The following FANK1 variants were observed in gnomAD, a reference collection of about 807,000 sequenced individuals.
The protein encoded by FANK1 is fibronectin type III and ankyrin repeat domains 1, also known as fibronectin type 3 and ankyrin repeat domains protein 1.
FANK1 carries 44 observed loss-of-function variants against 45.3 expected under a neutral mutation model. That is an observed-to-expected ratio of 0.97 (90% CI 0.76 to 1.25). The LOEUF is 1.25. Ranked by LOEUF, FANK1 falls within the 50% of genes most tolerant of loss-of-function variation. The pLI is 0.00. For synonymous variants in FANK1, 149 were observed against 152.5 expected, an observed-to-expected ratio of 0.98 and a Z score of 0.17; for missense variants, 391 against 424.4, an observed-to-expected ratio of 0.92 and a Z score of 0.69.
intron 6 of FANK1, chr10:126,004,654 T>A: frequency 2.1e-6 from 1 of 471,806 alleles, no homozygotes; most frequent in Non-Finnish European, 3.9e-6. Flanking sequence ...TTCAGCACAG[T>A]GTTTCGAGGT....
At chr10:125,936,983 C>G (rs1016432748) in intron 1 of FANK1, among the ~76,000 whole-genome samples, 2 of 152,110 alleles carry the variant, frequency 1.3e-5, no homozygotes, top group Non-Finnish European at 2.9e-5. Flanking sequence ...AGGATAATCG[C>G]TTGAACCCGG....
chr10:125,902,484 A>T (rs1177605701), intron 1 of FANK1, among the ~76,000 whole-genome samples: 2 of 152,210 alleles, frequency 1.3e-5, no homozygotes, highest in African/African-American at 4.8e-5. Context: ...AAGCCATTTT[A>T]TTCTACATTA....
intron 8 of FANK1, 28 bp from the exon 9 acceptor site, chr10:126,009,026 G>A (rs1389564564): frequency 6.2e-7 from 1 of 1,610,356 alleles, no homozygotes; most frequent in Non-Finnish European, 8.5e-7. Flanking sequence ...AGAAGCTCAT[G>A]CACACCACCC....
intron 1 of FANK1, among the ~76,000 whole-genome samples, chr10:125,904,957 C>T (rs1277045779): frequency 1.3e-5 from 2 of 151,402 alleles, no homozygotes; most frequent in African/African-American, 2.4e-5. Flanking sequence ...AACCCCGTCT[C>T]TGCTAAAAAT....
At chr10:125,951,319 T>G (rs1453644966) in intron 1 of FANK1, among the ~76,000 whole-genome samples, 1 of 152,162 alleles carries the variant, frequency 6.6e-6, no homozygotes. Context: ...TTTGCTCATA[T>G]TTTTTATAAT....
chr10:125,991,490 T>C (rs1951942386), intron 3 of FANK1, among the ~76,000 whole-genome samples: 1 of 152,136 alleles, frequency 6.6e-6, no homozygotes, highest in African/African-American at 2.4e-5. Flanking sequence ...AAGCAGATTC[T>C]CCTAAGGAGG....
intron 1 of FANK1, among the ~76,000 whole-genome samples, chr10:125,905,159 A>C (rs1945397956): frequency 1.6e-5 from 2 of 126,346 alleles, no homozygotes; most frequent in Non-Finnish European, 3.7e-5. Context: ...AACAAAAAAA[A>C]CGTTTCTGTA....
intron 7 of FANK1, chr10:126,007,186 A>G (rs897140325): frequency 7.2e-5 from 11 of 152,332 alleles, no homozygotes; most frequent in African/African-American, 2.6e-4. Flanking sequence ...CCCAAATGTA[A>G]TGATCATATA....
intron 2 of FANK1, among the ~76,000 whole-genome samples, chr10:125,985,455 T>C (rs907014305): frequency 8.5e-5 from 13 of 152,350 alleles, no homozygotes; most frequent in Admixed American, 3.9e-4. Flanking sequence ...TTTTTAGCCC[T>C]GGCGGTTTTT....
At chr10:125,924,806 CAAAA>C (rs58856642) in intron 1 of FANK1, among the ~76,000 whole-genome samples, 52 of 70,764 alleles carry the variant, frequency 7.3e-4, no homozygotes, top group Non-Finnish European at 1.3e-3. Context: ...GACCCCATCT[CAAAA>C]AAAAAAAAAA....
intron 10 of FANK1, 22 bp from the exon 11 acceptor site, chr10:126,009,351 C>T: frequency 6.2e-7 from 1 of 1,613,964 alleles, no homozygotes; most frequent in Non-Finnish European, 8.5e-7. Flanking sequence ...ATTACATTCG[C>T]CTGTCTGTTT....
chr10:125,951,814 G>A (rs1949252203), intron 1 of FANK1, among the ~76,000 whole-genome samples: 1 of 151,988 alleles, frequency 6.6e-6, no homozygotes, highest in East Asian at 1.9e-4. Context: ...CAATAATTGT[G>A]GAAAAAAATT....
chr10:125,958,225 A>G (rs1431393752), intron 1 of FANK1, among the ~76,000 whole-genome samples: 1 of 152,046 alleles, frequency 6.6e-6, no homozygotes, highest in African/African-American at 2.4e-5. Flanking sequence ...CCCAGCCTCT[A>G]GTATCCTCTG....
At position 125,983,948 on chromosome 10, in the gene FANK1, C is replaced by T. The variant is rs1423520485; in HGVS notation, c.191+3610C>T. Among the ~76,000 whole-genome samples, 2 of 152,138 alleles carry T rather than the reference C, an allele frequency of 1.3e-5. No homozygotes were observed. The highest frequency in any genetic ancestry group is 2.9e-5 in the Non-Finnish European group (2 of 68,032). On this transcript the variant is annotated intron_variant, in intron 2 of 10. Coordinates refer to ENST00000368693, the MANE Select transcript of FANK1 (RefSeq NM_145235.5). This position sits in a 1 kb window ranked among gnomAD's most constrained non-coding sequence, Gnocchi z 4.3. ...AGGACTGATGAAGAAGCTTTTGAAA[C>T]AGTTTAGGTGGGAGACAACACAACA...
At chr10:125,942,648 T>G (rs1948525225) in intron 1 of FANK1, among the ~76,000 whole-genome samples, 1 of 152,146 alleles carries the variant, frequency 6.6e-6, no homozygotes, top group South Asian at 2.1e-4. Context: ...ATTACCAACT[T>G]AAATTCAGAA....
rs60940347 is a variant in FANK1, at chr10:125,908,311, A to G, written c.13+11656A>G. On this transcript the variant is annotated intron_variant, in intron 1 of 10. Coordinates refer to ENST00000368693, the MANE Select transcript of FANK1 (RefSeq NM_145235.5). The stretch of plus-strand genomic sequence containing the variant: ...GTGCCTGGCCTTTTCTCATATGTTT[A>G]TAGCAGCACAATCTGCAACTGAAAA... 7.9e-3 allele frequency among the ~76,000 whole-genome samples: 1,207 copies of G among 152,214 alleles called. 12 individuals carry two copies. Among genetic ancestry groups the G allele is most frequent in the African/African-American group, 0.028 (1,152 of 41,536 alleles).
At chr10:125,964,186 CTTTTTTTTTT>C (rs71486557) in intron 1 of FANK1, among the ~76,000 whole-genome samples, 4 of 78,392 alleles carry the variant, frequency 5.1e-5, no homozygotes, top group African/African-American at 2.2e-4. Flanking sequence ...TTCTCTCTCT[CTTTTTTTTTT>C]TTTTTTTTTT....
intron 1 of FANK1, among the ~76,000 whole-genome samples, chr10:125,960,786 C>T (rs896990012): frequency 1.4e-4 from 22 of 152,336 alleles, no homozygotes; most frequent in East Asian, 3.9e-4. Context: ...CTGCCCGCCT[C>T]GGCCTCCCAA....
At chr10:125,985,005 T>C (rs1951461772) in intron 2 of FANK1, among the ~76,000 whole-genome samples, 1 of 152,254 alleles carries the variant, frequency 6.6e-6, no homozygotes, top group Non-Finnish European at 1.5e-5. Context: ...TGGTCCCTGC[T>C]GTGGCTTTTG....
Sources: gnomAD v4.1 joint callset for allele counts (sites outside exome capture counted in the v4.1 genomes callset) on GRCh38, gnomAD v4.1.1 for gene constraint, Gnocchi (gnomAD v3.1) non-coding constraint, MANE v1.5 for transcripts, NCBI Gene and HGNC (gene_info 2026-07-23, HGNC 2026-07-21) for gene names.